UBE4B: variants seen among roughly 807,000 people sequenced by gnomAD.
The protein encoded by UBE4B is ubiquitin conjugation factor E4 B.
A neutral mutation model predicts 148.1 loss-of-function variants in UBE4B; 27 were observed. The ratio of observed to expected loss-of-function variants is 0.18; its 90% confidence interval spans 0.13 to 0.25. The LOEUF (loss-of-function observed/expected upper bound fraction) is 0.25. Ranked by LOEUF, UBE4B falls within the 10% of genes least tolerant of loss-of-function variation. The pLI, the probability that UBE4B is intolerant of heterozygous loss-of-function variation, is 1.00. For missense variants in UBE4B, 1,170 were observed against 1,662.4 expected, an observed-to-expected ratio of 0.70 and a Z score of 5.15; for synonymous variants, 596 against 619.3, an observed-to-expected ratio of 0.96 and a Z score of 0.56.
intron 23 of UBE4B, among the ~76,000 whole-genome samples, chr1:10,163,023 AT>A (rs1646190691): frequency 6.6e-6 from 1 of 152,156 alleles, no homozygotes; most frequent in Non-Finnish European, 1.5e-5. Flanking sequence ...AGTGCTTGGT[AT>A]GCCCAGCTTA....
intron 7 of UBE4B, among the ~76,000 whole-genome samples, chr1:10,111,142 C>T (rs1444948095): frequency 6.6e-6 from 1 of 151,364 alleles, no homozygotes; most frequent in Non-Finnish European, 1.5e-5. Context: ...TTTCCCTTCT[C>T]ACACAGAGTA....
At chr1:10,076,300 A>G (rs1322441607) in intron 2 of UBE4B, among the ~76,000 whole-genome samples, 1 of 148,226 alleles carries the variant, frequency 6.7e-6, no homozygotes, top group East Asian at 2.0e-4. Flanking sequence ...GCTGGAGTGC[A>G]ATGACGTGAT....
intron 5 of UBE4B, 94 bp downstream of exon 5, chr1:10,103,186 T>G (rs1645044310): frequency 7.4e-7 from 1 of 1,357,636 alleles, no homozygotes; most frequent in Admixed American, 2.2e-5. Context: ...TCACTCCATC[T>G]TGCTCTTGGG....
chr1:10,057,284 A>G (rs984537147), intron 1 of UBE4B, among the ~76,000 whole-genome samples: 86 of 152,144 alleles, frequency 5.7e-4, no homozygotes, highest in African/African-American at 1.9e-3. Flanking sequence ...TGCAAAAAAC[A>G]CAATTAACAA....
chr1:10,129,206 A>C, intron 11 of UBE4B, 186 bp from the exon 12 acceptor site: 1 of 496,300 alleles, frequency 2.0e-6, no homozygotes, highest in South Asian at 3.9e-5. Flanking sequence ...TCAAGTTTTC[A>C]CATTGCATGT....
At chr1:10,170,092 G>T (rs1646316552) in intron 24 of UBE4B, among the ~76,000 whole-genome samples, 5 of 152,192 alleles carry the variant, frequency 3.3e-5, no homozygotes, top group Admixed American at 3.3e-4. Flanking sequence ...TTTGGCCCCA[G>T]CCTGTGCCTG....
At chr1:10,080,280 C>T (rs998792140) in intron 2 of UBE4B, among the ~76,000 whole-genome samples, 7 of 151,884 alleles carry the variant, frequency 4.6e-5, no homozygotes, top group African/African-American at 1.7e-4. Context: ...ATTAGCTGGG[C>T]ATGGTGGCGG....
intron 16 of UBE4B, 63 bp from the exon 17 acceptor site, chr1:10,137,004 A>G (rs1321143657): frequency 3.8e-5 from 59 of 1,551,580 alleles, no homozygotes; most frequent in Non-Finnish European, 4.1e-5. Context: ...TTCTGAATTC[A>G]GCTTTTTCTC....
chr1:10,093,338 T>G (rs951729873), intron 2 of UBE4B, among the ~76,000 whole-genome samples: 2 of 152,202 alleles, frequency 1.3e-5, no homozygotes, highest in African/African-American at 4.8e-5. Context: ...AGGGCTTACT[T>G]TGGGTTATAT....
At chr1:10,151,706 T>G in intron 21 of UBE4B, 145 bp downstream of exon 21, 1 of 707,986 alleles carries the variant, frequency 1.4e-6, no homozygotes, top group Non-Finnish European at 2.3e-6. Flanking sequence ...CTGCAGAGGA[T>G]GTACTTTTGG....
In UBE4B at chr1:10,090,718, C is replaced by T. The variant is rs981429421; in HGVS notation, c.212-4743C>T. On this transcript the variant is annotated intron_variant, in intron 2 of 27. Transcript: ENST00000343090. ...AACAGGTATGAGCCACCACACTTGA[C>T]CTTTTATTGAGGTTTCAAGGACGCT... Among the ~76,000 whole-genome samples the T allele has an allele frequency of 7.3e-5, 11 of 151,590 alleles. 1 individual carries two copies. Among genetic ancestry groups the T allele is most frequent in the Admixed American group, 4.6e-4 (7 of 15,190 alleles).
intron 1 of UBE4B, among the ~76,000 whole-genome samples, chr1:10,056,458 T>C (rs898500703): frequency 2.0e-5 from 3 of 152,262 alleles, no homozygotes; most frequent in African/African-American, 7.2e-5. Flanking sequence ...AGTTAGGTAC[T>C]GTCATAGTTG....
intron 1 of UBE4B, among the ~76,000 whole-genome samples, chr1:10,041,803 T>C (rs1259579234): frequency 6.6e-6 from 1 of 152,032 alleles, no homozygotes; most frequent in Non-Finnish European, 1.5e-5. Context: ...TTCAAGTGAT[T>C]CTCCTGCCTC....
chr1:10,148,663 GGT>G (rs1224255671), intron 19 of UBE4B, among the ~76,000 whole-genome samples: 1 of 147,814 alleles, frequency 6.8e-6, no homozygotes, highest in African/African-American at 2.5e-5. Context: ...AAAAGGGCCA[GGT>G]GTGGTGGCTC....
intron 5 of UBE4B, among the ~76,000 whole-genome samples, chr1:10,103,416 TTTATTTA>T (rs1292808162): frequency 2.1e-5 from 3 of 144,730 alleles, no homozygotes; most frequent in African/African-American, 7.6e-5. Flanking sequence ...TATTTATTTA[TTTATTTA>T]TTTATTTATT....
At chr1:10,146,823 C>T (rs1289358526) in intron 18 of UBE4B, 140 bp from the exon 19 acceptor site, 13 of 1,048,628 alleles carry the variant, frequency 1.2e-5, no homozygotes, top group Non-Finnish European at 1.6e-5. Context: ...CAACCAGCAT[C>T]TTATAGCTAG....
chr1:10,070,536 A>G (rs761542371), intron 1 of UBE4B, among the ~76,000 whole-genome samples: 4 of 151,228 alleles, frequency 2.6e-5, no homozygotes, highest in Non-Finnish European at 4.4e-5. Flanking sequence ...AAGGATAACC[A>G]TTATCCAAAC....
Position 10,161,384 on chromosome 1 carries a change from A to G in UBE4B, c.3198+98A>G, listed in dbSNP as rs1212094070. 4 of 1,387,516 alleles carry G rather than the reference A, an allele frequency of 2.9e-6. No individual in the cohort carries two copies. The highest frequency in any genetic ancestry group is 3.9e-6 in the Non-Finnish European group (4 of 1,027,492). The allele number at this position is 1,387,516 out of a possible 1,614,324, so 86.0% of individuals were successfully genotyped here. On this transcript the variant is annotated intron_variant, in intron 23 of 27. Transcript: ENST00000343090. This position sits in a 1 kb window ranked among gnomAD's most constrained non-coding sequence, Gnocchi z 4.1. ...GGGCTGCATTTGTGGGTCTGATGAT[A>G]TGCGATCTGACATGCTGGGATTTTC...
At position 10,117,757 on chromosome 1, in the gene UBE4B, T is replaced by G. The variant is rs528888900; in HGVS notation, c.1338+157T>G. 4.6e-5 allele frequency among the ~76,000 whole-genome samples: 7 copies of G among 152,324 alleles called. No homozygotes were observed. The South Asian group carries it at 1.4e-3, about 32-fold the overall frequency. On this transcript the variant is annotated intron_variant, in intron 8 of 27. Transcript: ENST00000343090. ...ATACTAGGAACTTAGGATGTGTCGA[T>G]GAACAAAACAGAGATCCCTGCCCTC... is the stretch of plus-strand genomic sequence containing the variant.
Sources: gnomAD v4.1 joint callset for allele counts (sites outside exome capture counted in the v4.1 genomes callset) on GRCh38, gnomAD v4.1.1 for gene constraint, Gnocchi (gnomAD v3.1) non-coding constraint, MANE v1.5 for transcripts, NCBI Gene and HGNC (gene_info 2026-07-23, HGNC 2026-07-21) for gene names.